The following NPAS3 variants were observed in gnomAD, a reference collection of about 807,000 sequenced individuals.
The protein encoded by NPAS3 is neuronal PAS domain-containing protein 3.
A neutral mutation model predicts 73.1 loss-of-function variants in NPAS3; 14 were observed. The observed-to-expected ratio is 0.19, with a 90% CI of 0.13 to 0.30. The LOEUF is 0.30. Among genes scored for constraint, NPAS3 ranks in the 10% least tolerant of loss-of-function variants. The pLI, the probability that NPAS3 is intolerant of heterozygous loss-of-function variation, is 1.00. For missense variants in NPAS3, 1,096 were observed against 1,250.0 expected, an observed-to-expected ratio of 0.88 and a Z score of 1.86; for synonymous variants, 620 against 541.5, an observed-to-expected ratio of 1.14 and a Z score of -2.01.
intron 8 of NPAS3, among the ~76,000 whole-genome samples, chr14:33,777,693 A>G (rs891660809): frequency 1.3e-5 from 2 of 152,234 alleles, no homozygotes; most frequent in African/African-American, 4.8e-5. Context: ...TGTGTAAACC[A>G]GGCGGATTCC....
At chr14:32,975,307 TG>T (rs1566421956) in intron 1 of NPAS3, among the ~76,000 whole-genome samples, 9 of 146,314 alleles carry the variant, frequency 6.2e-5, no homozygotes, top group Admixed American at 2.7e-4. Flanking sequence ...CCTCCCTCCC[TG>T]CCTCCGTCAC....
At chr14:33,659,809 G>T (rs1158300408) in intron 5 of NPAS3, among the ~76,000 whole-genome samples, 1 of 152,084 alleles carries the variant, frequency 6.6e-6, no homozygotes, top group South Asian at 2.1e-4. Context: ...TTTGTTTTGT[G>T]TTGTGCTTAG....
intron 3 of NPAS3, among the ~76,000 whole-genome samples, chr14:33,258,151 C>A (rs1393525262): frequency 6.6e-6 from 1 of 152,158 alleles, no homozygotes; most frequent in Non-Finnish European, 1.5e-5. Context: ...AATCCCAGCA[C>A]TTTGGCAGGC....
intron 4 of NPAS3, among the ~76,000 whole-genome samples, chr14:33,425,353 A>C (rs1319906542): frequency 6.6e-6 from 1 of 152,034 alleles, no homozygotes; most frequent in Non-Finnish European, 1.5e-5. Flanking sequence ...ATGTTTTTAG[A>C]TGGCCAGGAG....
chr14:33,635,390 T>C (rs1038165692), intron 5 of NPAS3, among the ~76,000 whole-genome samples: 8 of 152,158 alleles, frequency 5.3e-5, no homozygotes, highest in African/African-American at 1.9e-4. Context: ...TTCCAAAAGC[T>C]TAGCTGGAAA....
chr14:33,122,442 A>G (rs2043265562), intron 2 of NPAS3, among the ~76,000 whole-genome samples: 1 of 152,150 alleles, frequency 6.6e-6, no homozygotes, highest in Non-Finnish European at 1.5e-5. Context: ...ATTGCCACAT[A>G]AATCGATGAC....
chr14:32,939,609 G>C (rs1214345509), intron 1 of NPAS3, among the ~76,000 whole-genome samples: 1 of 119,768 alleles, frequency 8.3e-6, no homozygotes, highest in African/African-American at 3.1e-5. Context: ...TCGGCGAATA[G>C]AGTGACTCAC....
At chr14:33,275,860 A>G (rs117746870) in intron 3 of NPAS3, among the ~76,000 whole-genome samples, 4 of 152,348 alleles carry the variant, frequency 2.6e-5, no homozygotes, top group Non-Finnish European at 5.9e-5. Context: ...TTTTTAAGAA[A>G]TCAAAGCCAC....
At chr14:33,237,520 G>A (rs1456024147) in intron 3 of NPAS3, among the ~76,000 whole-genome samples, 1 of 152,054 alleles carries the variant, frequency 6.6e-6, no homozygotes, top group Non-Finnish European at 1.5e-5. Context: ...ATGACAGTGA[G>A]CAAAACAGCA....
In NPAS3 at chr14:33,249,925, C is replaced by A. The variant is rs1016639446; in HGVS notation, c.385+34499C>A. On this transcript the variant is annotated intron_variant, in intron 3 of 11. Transcript: ENST00000356141. ...TCTGTCATACACACACACACACACA[C>A]ACACACACACACCCCTACATACACA... Among the ~76,000 whole-genome samples the A allele has an allele frequency of 4.6e-5, 7 of 151,912 alleles. 1 individual carries two copies. Among genetic ancestry groups the A allele is most frequent in the Non-Finnish European group, 1.0e-4 (7 of 67,952 alleles).
chr14:33,020,846 C>T (rs565719724), intron 1 of NPAS3, among the ~76,000 whole-genome samples: 11 of 152,148 alleles, frequency 7.2e-5, no homozygotes, highest in East Asian at 3.9e-4. Context: ...CTGCAACCCC[C>T]GCCTCCCGGG....
At chr14:33,406,447 G>T (rs539077217) in intron 4 of NPAS3, among the ~76,000 whole-genome samples, 1 of 152,162 alleles carries the variant, frequency 6.6e-6, no homozygotes, top group South Asian at 2.1e-4. Context: ...GGCCATGGAG[G>T]GTCCTGACTT....
chr14:33,056,294 T>TA (rs1235248568), intron 2 of NPAS3, among the ~76,000 whole-genome samples: 1 of 152,188 alleles, frequency 6.6e-6, no homozygotes, highest in African/African-American at 2.4e-5. Context: ...AACAAGTACT[T>TA]ATATGCAAGA....
chr14:32,967,774 G>GT (rs1366826833), intron 1 of NPAS3, among the ~76,000 whole-genome samples: 1 of 151,228 alleles, frequency 6.6e-6, no homozygotes, highest in Non-Finnish European at 1.5e-5. Context: ...CAGCATGTGG[G>GT]GGGGGGTCCT....
At chr14:33,642,140 G>A (rs2058691011) in intron 5 of NPAS3, among the ~76,000 whole-genome samples, 1 of 152,094 alleles carries the variant, frequency 6.6e-6, no homozygotes, top group Non-Finnish European at 1.5e-5. Flanking sequence ...CAGCGCTGAA[G>A]TTTCATTAAC....
chr14:33,569,460 C>G (rs1444367176), intron 5 of NPAS3, among the ~76,000 whole-genome samples: 2 of 152,074 alleles, frequency 1.3e-5, no homozygotes, highest in East Asian at 3.9e-4. Context: ...ATCTGGGTAT[C>G]AGGTAAAGAA....
At chr14:33,247,006 CCT>C (rs1236070209) in intron 3 of NPAS3, among the ~76,000 whole-genome samples, 1 of 151,402 alleles carries the variant, frequency 6.6e-6, no homozygotes, top group East Asian at 1.9e-4. Flanking sequence ...AGAGCAATAC[CCT>C]GTTTCAACAA....
chr14:33,539,052 C>T (rs749615441), intron 4 of NPAS3, among the ~76,000 whole-genome samples: 2 of 151,824 alleles, frequency 1.3e-5, no homozygotes, highest in Admixed American at 6.6e-5. Context: ...GTGTATCCTG[C>T]GGAGGGAGGG....
intron 6 of NPAS3, among the ~76,000 whole-genome samples, chr14:33,723,263 G>A (rs1366519162): frequency 6.6e-6 from 1 of 152,072 alleles, no homozygotes; most frequent in East Asian, 1.9e-4. Context: ...TCCCTGTTAA[G>A]CATAAGACTG....
Sources: allele counts gnomAD v4.1 joint callset (sites outside exome capture counted in the v4.1 genomes callset), GRCh38; gene constraint gnomAD v4.1.1; transcripts MANE v1.5; gene names NCBI Gene and HGNC (gene_info 2026-07-23, HGNC 2026-07-21).